Variants in ALOX5 observed in about 807,000 individuals in gnomAD.
ALOX5 encodes the protein polyunsaturated fatty acid 5-lipoxygenase.
ALOX5 carries 64 observed loss-of-function variants against 87.9 expected under a neutral mutation model. That is an observed-to-expected ratio of 0.73 (90% CI 0.60 to 0.90). ALOX5 has a LOEUF of 0.90. Among genes scored for constraint, ALOX5 ranks in the 40% least tolerant of loss-of-function variants. ALOX5 has a pLI of 0.00. For synonymous variants in ALOX5, 388 were observed against 355.1 expected (o/e 1.09, Z -1.04); for missense variants, 822 against 907.5 (o/e 0.91, Z 1.21).
chr10:45,420,938 G>A (rs975460526), intron 4 of ALOX5, among the ~76,000 whole-genome samples: 2 of 152,226 alleles, frequency 1.3e-5, no homozygotes, highest in South Asian at 4.1e-4. Flanking sequence ...AGGGGTGGGG[G>A]GCTCACCGGG....
chr10:45,387,932 T>C (rs1020447085), intron 2 of ALOX5, among the ~76,000 whole-genome samples: 1 of 152,190 alleles, frequency 6.6e-6, no homozygotes, highest in Non-Finnish European at 1.5e-5. Flanking sequence ...TTCATCTCAC[T>C]GGGGATTGTT....
chr10:45,420,015 C>T (rs866233958), intron 4 of ALOX5, among the ~76,000 whole-genome samples: 6 of 152,200 alleles, frequency 3.9e-5, no homozygotes, highest in African/African-American at 1.2e-4. Flanking sequence ...ACCACATCCC[C>T]TCTTATCGTC....
Position 45,425,593 on chromosome 10 carries a change from G to A in ALOX5, c.834+461G>A, listed in dbSNP as rs12774534. ...ACCCAACAGAATGGTTGATTTTCTC[G>A]TTAGAAATGCTGCTGCCCATGCTCC... On this transcript the variant is annotated intron_variant, in intron 6 of 13. Coordinates refer to ENST00000374391, the MANE Select transcript of ALOX5 (RefSeq NM_000698.5). This position sits in a 1 kb window ranked among gnomAD's most constrained non-coding sequence, Gnocchi z 4.4. Among the ~76,000 whole-genome samples, 24 of 152,278 alleles carry A rather than the reference G, an allele frequency of 1.6e-4. No homozygotes were observed. The highest frequency in any genetic ancestry group is 2.6e-4 in the Admixed American group (4 of 15,298).
chr10:45,438,076 GT>G (rs1489589887), intron 7 of ALOX5, among the ~76,000 whole-genome samples: 6 of 151,590 alleles, frequency 4.0e-5, no homozygotes, highest in Non-Finnish European at 7.4e-5. Context: ...AATCTTCAGG[GT>G]TTTCTAGGTA....
chr10:45,434,809 A>T (rs1842012849), intron 7 of ALOX5, among the ~76,000 whole-genome samples: 1 of 152,198 alleles, frequency 6.6e-6, no homozygotes, highest in Non-Finnish European at 1.5e-5. Flanking sequence ...AGTTGATGGA[A>T]AATTGGACAG....
chr10:45,434,926 T>G (rs927294949), intron 7 of ALOX5, among the ~76,000 whole-genome samples: 2 of 152,268 alleles, frequency 1.3e-5, no homozygotes, highest in Non-Finnish European at 2.9e-5. Flanking sequence ...CAGGCTCTCC[T>G]GTCATGACTC....
chr10:45,401,162 T>G (rs1180274326), intron 3 of ALOX5, among the ~76,000 whole-genome samples: 1 of 152,190 alleles, frequency 6.6e-6, no homozygotes, highest in Non-Finnish European at 1.5e-5. Context: ...CATTTCCTGC[T>G]TTGGCCCCTG....
chr10:45,404,193 C>G (rs1840797293), intron 3 of ALOX5, among the ~76,000 whole-genome samples: 1 of 152,182 alleles, frequency 6.6e-6, no homozygotes. Flanking sequence ...ACTCATCTGT[C>G]CTTTTCAGAA....
chr10:45,434,043 T>TA, intron 7 of ALOX5, among the ~76,000 whole-genome samples: 1 of 152,356 alleles, frequency 6.6e-6, no homozygotes, highest in African/African-American at 2.4e-5. Flanking sequence ...GTTTGTCAAG[T>TA]TGCTCATTTA....
At chr10:45,391,072 CCACGG>C (rs370522191) in intron 2 of ALOX5, among the ~76,000 whole-genome samples, 19 of 32,552 alleles carry the variant, frequency 5.8e-4, no homozygotes, top group Non-Finnish European at 8.6e-4. Context: ...CTCCCTCTCC[CCACGG>C]TCTCCCTCTC....
In ALOX5 at chr10:45,374,441, CG is replaced by C; in HGVS notation, c.150+16del. The C allele has an allele frequency of 6.5e-7, 1 of 1,537,322 alleles. No homozygotes were observed. The highest frequency in any genetic ancestry group is 8.7e-7 in the Non-Finnish European group (1 of 1,146,442). ...TCGAGCGTGGCGCGGTGAGCGCGGG[CG>C]GGGCACGGGTGGAGCGCGGGCTGAG... On this transcript the variant is annotated intron_variant, in intron 1 of 13. Coordinates refer to ENST00000374391, the MANE Select transcript of ALOX5 (RefSeq NM_000698.5).
intron 5 of ALOX5, 131 bp from the exon 6 acceptor site, chr10:45,424,829 T>C: frequency 9.3e-7 from 1 of 1,076,780 alleles, no homozygotes; most frequent in Non-Finnish European, 1.3e-6. Context: ...CAGTTGGAGC[T>C]GTGCCCATCC....
At chr10:45,422,079 G>T (rs970010043) in intron 4 of ALOX5, among the ~76,000 whole-genome samples, 4 of 152,156 alleles carry the variant, frequency 2.6e-5, no homozygotes, top group Non-Finnish European at 5.9e-5. Context: ...GATGGAAGGG[G>T]ATTGCTGTTC....
intron 3 of ALOX5, among the ~76,000 whole-genome samples, chr10:45,408,421 T>C (rs900506837): frequency 3.3e-5 from 5 of 152,200 alleles, no homozygotes; most frequent in African/African-American, 9.6e-5. Context: ...GAGTTTCTGA[T>C]TGGCAACTGC....
chr10:45,380,106 C>T (rs72789735), intron 1 of ALOX5, among the ~76,000 whole-genome samples: 12,098 of 152,328 alleles, frequency 0.079, 682 homozygotes, highest in Non-Finnish European at 0.11. Flanking sequence ...CCATCAGAAC[C>T]TGCCCACCCT....
chr10:45,391,506 G>A lies in ALOX5; in HGVS notation c.350-4349G>A, dbSNP rs551235641. Among the ~76,000 whole-genome samples the A allele has an allele frequency of 1.5e-3, 228 of 152,182 alleles. 1 individual carries two copies. The highest frequency in any genetic ancestry group is 5.0e-3 in the African/African-American group (209 of 41,520). On this transcript the variant is annotated intron_variant, in intron 2 of 13. Transcript: ENST00000374391. ...AGTGCCGAGATTGCAGCCTCTGCCC[G>A]GCCGCCACCCCGTCTGGGAAGTGAG...
At chr10:45,395,606 T>A (rs1840469815) in intron 2 of ALOX5, among the ~76,000 whole-genome samples, 2 of 148,504 alleles carry the variant, frequency 1.3e-5, no homozygotes. Context: ...AAAGTAGAAT[T>A]AAAAAAAAAA....
chr10:45,443,275 T>C, intron 10 of ALOX5, 59 bp downstream of exon 10: 1 of 1,588,406 alleles, frequency 6.3e-7, no homozygotes, highest in East Asian at 2.2e-5. Context: ...CCTGACTACC[T>C]GGGGCGGGCC....
At chr10:45,435,954 C>T (rs1842050071) in intron 7 of ALOX5, among the ~76,000 whole-genome samples, 1 of 152,138 alleles carries the variant, frequency 6.6e-6, no homozygotes, top group Admixed American at 6.5e-5. Flanking sequence ...CATTTTTTTA[C>T]TTTTTAATAA....
Sources: gnomAD v4.1 joint callset for allele counts (sites outside exome capture counted in the v4.1 genomes callset) on GRCh38, gnomAD v4.1.1 for gene constraint, Gnocchi (gnomAD v3.1) non-coding constraint, MANE v1.5 for transcripts, NCBI Gene and HGNC (gene_info 2026-07-23, HGNC 2026-07-21) for gene names.